Variants in PRKD2 observed in about 807,000 individuals in gnomAD.
PRKD2 encodes protein kinase D2, also known as serine/threonine-protein kinase D2.
Under a neutral mutation model 86.0 loss-of-function variants are expected in PRKD2, and 22 were observed. That is an observed-to-expected ratio of 0.26 (90% CI 0.18 to 0.37). PRKD2 has a LOEUF of 0.37. Among genes scored for constraint, PRKD2 ranks in the 10% least tolerant of loss-of-function variants. The probability of loss-of-function intolerance (pLI) is 1.00; values close to 1 mark genes in which losing one functional copy is unlikely to be tolerated. For synonymous variants in PRKD2, 509 were observed against 510.9 expected, an observed-to-expected ratio of 1.00 and a Z score of 0.05; for missense variants, 818 against 1,199.2, an observed-to-expected ratio of 0.68 and a Z score of 4.70.
rs138445928 is a variant in PRKD2 at position 46,692,530 on chromosome 19, A to G, written c.1577-545T>C. Among the ~76,000 whole-genome samples, 896 of 145,690 alleles carry G rather than the reference A, an allele frequency of 6.2e-3. 14 individuals carry two copies. Among genetic ancestry groups the G allele is most frequent in the African/African-American group, 0.021 (836 of 38,940 alleles). On this transcript the variant is annotated intron_variant, in intron 10 of 17. Coordinates refer to ENST00000291281, the MANE Select transcript of PRKD2 (RefSeq NM_016457.5). The stretch of plus-strand genomic sequence containing the variant: ...CCCCTTCCCTGGTCTCCTTGCCCCA[A>G]TCCTGCCCCTTCCTACTCACCTCCC...
chr19:46,697,309 G>C, intron 8 of PRKD2, 75 bp from the exon 9 acceptor site: 2 of 1,132,980 alleles, frequency 1.8e-6, no homozygotes, highest in African/African-American at 3.1e-5. Flanking sequence ...AGCTGCTTGG[G>C]GCTCCAGGTG....
chr19:46,716,501 C>G lies in PRKD2; in HGVS notation c.-131G>C. 1.9e-6 allele frequency: 1 copy of G among 532,118 alleles called. No individual in the cohort carries two copies. The highest frequency in any genetic ancestry group is 3.2e-6 in the Non-Finnish European group (1 of 312,090). The allele number at this position is 532,118 out of a possible 1,614,324, so 33.0% of individuals were successfully genotyped here. ...GGAGAGCGGGGATCCGAGAAAAGAT[C>G]TGGCAGGCGGAGGGGACCTGAGGAT... On this transcript the variant is annotated 5_prime_UTR_variant, in exon 1 of 18. Transcript: ENST00000291281. This position sits in a 1 kb window ranked among gnomAD's most constrained non-coding sequence, Gnocchi z 7.9.
intron 5 of PRKD2, among the ~76,000 whole-genome samples, chr19:46,701,333 G>A (rs934932207): frequency 6.6e-6 from 1 of 151,578 alleles, no homozygotes; most frequent in African/African-American, 2.4e-5. Flanking sequence ...TCAAAATCCC[G>A]ACGACTGCTG....
rs749367617 is a variant in PRKD2, at chr19:46,689,494, C to A, written c.1971+43G>T. ...CATACAGGGCCTCTCCAAGCTGACA[C>A]CTGATGGGGAGGGGCGGGTGGCAGC... On this transcript the variant is annotated intron_variant, in intron 14 of 17. Coordinates refer to ENST00000291281, the MANE Select transcript of PRKD2 (RefSeq NM_016457.5). 9 of 1,559,604 alleles carry A rather than the reference C, an allele frequency of 5.8e-6. No individual in the cohort carries two copies. In the South Asian group the frequency reaches 8.2e-5, roughly 14 times the overall value.
chr19:46,712,281 C>G (rs972648313), intron 2 of PRKD2, among the ~76,000 whole-genome samples: 1 of 150,088 alleles, frequency 6.7e-6, no homozygotes, highest in Admixed American at 6.6e-5. Context: ...TGGCTCACAC[C>G]TGTAATCGCA....
intron 14 of PRKD2, among the ~76,000 whole-genome samples, chr19:46,684,962 C>CAA (rs113835407): frequency 9.7e-4 from 130 of 133,492 alleles, no homozygotes; most frequent in South Asian, 1.9e-3. Flanking sequence ...GACTCCATCT[C>CAA]AAAAAAAAAA....
In PRKD2 at chr19:46,704,272, C is replaced by G; in HGVS notation, c.786G>C (p.Lys262Asn). The change falls in exon 5 of 18, where the codon AAG (lysine) becomes AAC (asparagine). Residue 262 changes from lysine (K) to asparagine (N), a missense_variant. This residue lies in a region of PRKD2 where 403 missense variants were observed against 518.6 expected (regional missense o/e 0.78). Transcript: ENST00000291281. ...ELDKMLLSKV[K>N]VPHTFLIHSY... is the part of the protein sequence containing the mutation. ...TGTGGATGAGGAAGGTGTGCGGCAC[C>G]TTGACCTTGGAGAGCAGCATCTTGT... 1 of 1,614,248 alleles carries G rather than the reference C, an allele frequency of 6.2e-7. No homozygotes were observed. The highest frequency in any genetic ancestry group is 8.5e-7 in the Non-Finnish European group (1 of 1,180,044).
At chr19:46,680,512 C>T (rs1175388563) in intron 15 of PRKD2, among the ~76,000 whole-genome samples, 2 of 152,036 alleles carry the variant, frequency 1.3e-5, no homozygotes, top group African/African-American at 2.4e-5. Context: ...TGGTATCCAA[C>T]TCCAGACCTC....
intron 5 of PRKD2, among the ~76,000 whole-genome samples, chr19:46,701,942 A>C (rs1048549559): frequency 4.9e-4 from 74 of 151,794 alleles, no homozygotes; most frequent in African/African-American, 1.8e-3. Context: ...ATTGCTGTAG[A>C]GTTCAGTGTT....
In PRKD2 at chr19:46,696,487, C is replaced by T. The variant is rs116377278; in HGVS notation, c.1317+670G>A. Among the ~76,000 whole-genome samples, 512 of 152,018 alleles carry T rather than the reference C, an allele frequency of 3.4e-3. 3 individuals are homozygous for T. Among genetic ancestry groups the T allele is most frequent in the African/African-American group, 0.011 (468 of 41,496 alleles). On this transcript the variant is annotated intron_variant, in intron 9 of 17. Coordinates refer to ENST00000291281, the MANE Select transcript of PRKD2 (RefSeq NM_016457.5). Reference sequence around the variant, plus strand: ...TATAAAGAAATAGTGAGGCCGGGTGCGGTGGCTCATGCCTGTAATCCCAGC... The same window carrying T: ...TATAAAGAAATAGTGAGGCCGGGTGTGGTGGCTCATGCCTGTAATCCCAGC...
chr19:46,689,857 C>T lies in PRKD2; in HGVS notation c.1810-159G>A, dbSNP rs2053458274. 8 of 740,242 alleles carry T rather than the reference C, an allele frequency of 1.1e-5. No individual in the cohort carries two copies. The South Asian group carries it at 1.5e-4, about 14-fold the overall frequency. 45.9% of individuals were successfully genotyped at this position (740,242 alleles called of 1,614,324 possible). On this transcript the variant is annotated intron_variant, in intron 13 of 17. Transcript: ENST00000291281. ...GGGCTTCCCACAGGCCAAGACAGAA[C>T]AGGCCCACCTCCACCCCACCTGCCA...
intron 1 of PRKD2, among the ~76,000 whole-genome samples, chr19:46,715,639 A>G (rs1201086572): frequency 6.6e-6 from 1 of 152,150 alleles, no homozygotes; most frequent in Non-Finnish European, 1.5e-5. Context: ...CCCTCCACAC[A>G]TATCTCAGGC....
chr19:46,680,946 A>ATATATATATATT lies in PRKD2; in HGVS notation c.2070+703_2070+704insAATATATATATA. 8.3e-5 allele frequency among the ~76,000 whole-genome samples: 4 copies of ATATATATATATT among 48,232 alleles called. 1 individual carries two copies. Among genetic ancestry groups the ATATATATATATT allele is most frequent in the African/African-American group, 2.8e-4 (4 of 14,194 alleles). The allele number at this position is 48,232 out of a possible 152,430, so 31.6% of individuals were successfully genotyped here. On this transcript the variant is annotated intron_variant, in intron 15 of 17. Transcript: ENST00000291281. ...AAACTATATATATATATATATATATATTTTTTTTTTTTTTTTTGAGACAGA... is the reference window on the plus strand; with the variant it reads ...AAACTATATATATATATATATATATATATATATATATTTTTTTTTTTTTTTTTTTGAGACAGA...
intron 3 of PRKD2, chr19:46,710,437 C>T (rs1038648886): frequency 6.4e-6 from 1 of 155,206 alleles, no homozygotes; most frequent in African/African-American, 2.4e-5. Context: ...ATCCACCTAC[C>T]TTTGCCTCCC....
At position 46,700,822 on chromosome 19, in the gene PRKD2, TTCC is replaced by T. The variant is rs746727051; in HGVS notation, c.1095_1097del (p.Glu366del). The T allele has an allele frequency of 2.5e-6, 4 of 1,614,038 alleles. No homozygotes were observed. The highest frequency in any genetic ancestry group is 4.5e-5 in the East Asian group (2 of 44,882). ...ACCTCTGGGCCTTGCCTCCCTCGCC[TTCC>T]TCCTCCTCACTGGCGTGGAGCGCAT... On this transcript the variant is annotated inframe_deletion, in exon 7 of 18. Coordinates refer to ENST00000291281, the MANE Select transcript of PRKD2 (RefSeq NM_016457.5).
chr19:46,702,187 C>T (rs2053646679), intron 5 of PRKD2, among the ~76,000 whole-genome samples: 5 of 152,056 alleles, frequency 3.3e-5, no homozygotes, highest in Middle Eastern at 6.8e-3. Context: ...TACAGGCACG[C>T]ACTACCATGC....
chr19:46,680,950 T>A (rs866470682), intron 15 of PRKD2, among the ~76,000 whole-genome samples: 828 of 43,906 alleles, frequency 0.019, 3 homozygotes, highest in African/African-American at 0.044. Flanking sequence ...ATATATATTT[T>A]TTTTTTTTTT....
At chr19:46,687,099 A>T (rs2053411380) in intron 14 of PRKD2, among the ~76,000 whole-genome samples, 1 of 152,150 alleles carries the variant, frequency 6.6e-6, no homozygotes, top group Non-Finnish European at 1.5e-5. Flanking sequence ...AGAAACGCAG[A>T]ACAGAGGCCG....
intron 15 of PRKD2, among the ~76,000 whole-genome samples, chr19:46,680,946 A>ATATATATATTT: frequency 2.1e-5 from 1 of 48,258 alleles, no homozygotes; most frequent in African/African-American, 7.1e-5. Context: ...ATATATATAT[A>ATATATATATTT]TTTTTTTTTT....
Sources: allele counts gnomAD v4.1 joint callset (sites outside exome capture counted in the v4.1 genomes callset), GRCh38; gene constraint gnomAD v4.1.1; regional missense constraint gnomAD v4.1.1; non-coding constraint Gnocchi (gnomAD v3.1); transcripts MANE v1.5; gene names NCBI Gene and HGNC (gene_info 2026-07-23, HGNC 2026-07-21).